Variants in LARP1B observed in about 807,000 individuals in gnomAD.
The protein encoded by LARP1B is la-related protein 1B.
Under a neutral mutation model 114.2 loss-of-function variants are expected in LARP1B, and 76 were observed. That is an observed-to-expected ratio of 0.67 (90% CI 0.55 to 0.81). The LOEUF is 0.81. Among genes scored for constraint, LARP1B ranks in the 30% least tolerant of loss-of-function variants. The probability of loss-of-function intolerance (pLI) is 0.00; values close to 1 mark genes in which losing one functional copy is unlikely to be tolerated. For synonymous variants in LARP1B, 345 were observed against 348.0 expected (o/e 0.99, Z 0.10); for missense variants, 1,014 against 1,075.8 (o/e 0.94, Z 0.80).
chr4:128,156,059 C>A (rs1354858605), intron 11 of LARP1B: 1 of 1,588,640 alleles, frequency 6.3e-7, no homozygotes, highest in African/African-American at 1.3e-5. Flanking sequence ...ATGACCACAC[C>A]CTCCCTAACT....
At chr4:128,133,305 G>A (rs1792148296) in intron 11 of LARP1B, among the ~76,000 whole-genome samples, 1 of 152,150 alleles carries the variant, frequency 6.6e-6, no homozygotes, top group Non-Finnish European at 1.5e-5. Context: ...CAATTGAATT[G>A]TATACTTCAG....
chr4:128,094,013 T>C (rs1261791331), intron 7 of LARP1B, among the ~76,000 whole-genome samples: 3 of 150,580 alleles, frequency 2.0e-5, no homozygotes, highest in African/African-American at 7.3e-5. Flanking sequence ...GCCTGACCTT[T>C]TTTTTTTTAA....
At chr4:128,091,236 C>G (rs1196833397) in intron 6 of LARP1B, 92 bp downstream of exon 6, 2 of 1,532,410 alleles carry the variant, frequency 1.3e-6, no homozygotes, top group Non-Finnish European at 1.8e-6. Context: ...TTTTCTTTGT[C>G]TGATAATAGA....
intron 1 of LARP1B, among the ~76,000 whole-genome samples, chr4:128,064,004 G>A (rs1761452978): frequency 6.6e-6 from 1 of 151,958 alleles, no homozygotes; most frequent in Admixed American, 6.6e-5. Context: ...GTGCGCGGTG[G>A]CACACGCCTG....
intron 5 of LARP1B, among the ~76,000 whole-genome samples, chr4:128,086,674 A>C (rs1488216205): frequency 6.6e-6 from 1 of 152,116 alleles, no homozygotes; most frequent in Admixed American, 6.6e-5. Context: ...GGCAATAAGA[A>C]GGAGCTAGGT....
At position 128,196,997 on chromosome 4, in the gene LARP1B, A is replaced by G. The variant is rs139244083; in HGVS notation, c.2004-2442A>G. 1.8e-4 allele frequency among the ~76,000 whole-genome samples: 28 copies of G among 152,300 alleles called. No homozygotes were observed. In the East Asian group the frequency reaches 4.8e-3, roughly 26 times the overall value. On this transcript the variant is annotated intron_variant, in intron 15 of 19. Transcript: ENST00000326639. Reference sequence around the variant, plus strand: ...TTATATGGAGTACCTAGAATAGTCAAATTTATAGACAGAAAGTAGAATAGA... The same window carrying G: ...TTATATGGAGTACCTAGAATAGTCAGATTTATAGACAGAAAGTAGAATAGA...
rs753449601 is a variant in LARP1B at position 128,074,987 on chromosome 4, C to A, written c.36C>A (p.Asn12Lys). 1.1e-5 allele frequency: 18 copies of A among 1,599,706 alleles called. No homozygotes were observed. Among genetic ancestry groups the A allele is most frequent in the Non-Finnish European group, 1.5e-5 (18 of 1,168,268 alleles). The stretch of plus-strand genomic sequence containing the variant: ...GGCCAACACCAAGTGAATTAGTGAA[C>A]ACTGGAGTGAGTATTGTTTTAAAGT... ...ENWPTPSELVNTGFQSVLSQG... is the reference protein window; with the variant it reads ...ENWPTPSELVKTGFQSVLSQG... The change falls in exon 3 of 20, where the codon AAC becomes AAA. Residue 12 changes from asparagine to lysine, a missense_variant. Coordinates refer to ENST00000326639, the MANE Select transcript of LARP1B (RefSeq NM_018078.4).
chr4:128,194,682 C>CAA (rs56843140), intron 15 of LARP1B, among the ~76,000 whole-genome samples: 9 of 25,904 alleles, frequency 3.5e-4, no homozygotes, highest in African/African-American at 1.2e-3. Context: ...GACTCTGTCT[C>CAA]AAAAAAAAAA....
intron 9 of LARP1B, chr4:128,107,549 G>A: frequency 7.3e-7 from 1 of 1,372,368 alleles, no homozygotes. Context: ...AATTATATGT[G>A]TACTTTGTCA....
At chr4:128,123,059 A>G (rs920114647) in intron 11 of LARP1B, 1 of 985,358 alleles carries the variant, frequency 1.0e-6, no homozygotes, top group Non-Finnish European at 1.2e-6. Context: ...TTGTAGGAAG[A>G]AAAGCTAGCC....
intron 15 of LARP1B, among the ~76,000 whole-genome samples, chr4:128,192,697 G>A (rs887051976): frequency 6.6e-6 from 1 of 152,128 alleles, no homozygotes; most frequent in Non-Finnish European, 1.5e-5. Flanking sequence ...CATCTTTTAA[G>A]TTGAGGACCA....
At chr4:128,166,966 C>CTATATA (rs1264850222) in intron 12 of LARP1B, among the ~76,000 whole-genome samples, 2 of 87,894 alleles carry the variant, frequency 2.3e-5, no homozygotes, top group African/African-American at 9.3e-5. Context: ...CTCTCTCTCT[C>CTATATA]TCTCTATATA....
intron 7 of LARP1B, among the ~76,000 whole-genome samples, chr4:128,093,956 C>T (rs149368914): frequency 1.6e-3 from 240 of 151,858 alleles, no homozygotes; most frequent in African/African-American, 5.5e-3. Context: ...GGTGATCCAC[C>T]CACATCAGCT....
chr4:128,093,180 C>T, intron 7 of LARP1B: 1 of 279,070 alleles, frequency 3.6e-6, no homozygotes, highest in Non-Finnish European at 5.4e-6. Flanking sequence ...TTATTATTAC[C>T]ATTCTTTGAT....
intron 11 of LARP1B, among the ~76,000 whole-genome samples, chr4:128,132,272 T>C (rs1029083180): frequency 6.6e-6 from 1 of 152,074 alleles, no homozygotes; most frequent in South Asian, 2.1e-4. Context: ...TGAGACAGAG[T>C]CTTACTCTGT....
At chr4:128,091,980 G>T (rs1034943302) in intron 7 of LARP1B, among the ~76,000 whole-genome samples, 16 of 152,260 alleles carry the variant, frequency 1.1e-4, no homozygotes, top group Non-Finnish European at 2.2e-4. Flanking sequence ...TAGGGAATGT[G>T]ATTAAAGTAG....
In LARP1B at chr4:128,206,526, A is replaced by G; in HGVS notation, c.2408A>G (p.Asp803Gly). The G allele has an allele frequency of 6.2e-7, 1 of 1,608,696 alleles. No homozygotes were observed. ...GATTTCCAAGAAGAAACCAAAAAAG[A>G]CTACGAATCTGGTAACAATAACATC... ...FQDFQEETKK[D>G]YESGQLYGLE... Residue 803 changes from aspartate to glycine, a missense_variant, in exon 18 of 20, where the codon GAC becomes GGC. Physicochemically the swap from Asp to Gly is moderately conservative, Grantham distance 94 (BLOSUM62 -1). Transcript: ENST00000326639.
intron 10 of LARP1B, 67 bp from the exon 11 acceptor site, chr4:128,121,757 CTG>C (rs1271521442): frequency 3.0e-5 from 34 of 1,127,570 alleles, no homozygotes; most frequent in Non-Finnish European, 3.8e-5. Context: ...ACTTGTAACA[CTG>C]TTTTATGACA....
chr4:128,171,469 C>T (rs1743690975), intron 12 of LARP1B, among the ~76,000 whole-genome samples: 1 of 152,122 alleles, frequency 6.6e-6, no homozygotes. Flanking sequence ...TATATATCTT[C>T]ATATGTTAAA....
Sources: allele counts gnomAD v4.1 joint callset (sites outside exome capture counted in the v4.1 genomes callset), GRCh38; gene constraint gnomAD v4.1.1; transcripts MANE v1.5; gene names NCBI Gene and HGNC (gene_info 2026-07-23, HGNC 2026-07-21).